Variants in ZNF626 observed in about 807,000 individuals in gnomAD.
ZNF626 encodes the protein CTC-513N18.7.
ZNF626 carries 4 observed loss-of-function variants against 11.7 expected under a neutral mutation model. That is an observed-to-expected ratio of 0.34 (90% CI 0.17 to 0.78). ZNF626 has a LOEUF of 0.78. Among genes scored for constraint, ZNF626 ranks in the 30% least tolerant of loss-of-function variants. The probability of loss-of-function intolerance (pLI) is 0.57; values close to 1 mark genes in which losing one functional copy is unlikely to be tolerated. For missense variants in ZNF626, 588 were observed against 587.1 expected (o/e 1.00, Z -0.01); for synonymous variants, 179 against 198.6 (o/e 0.90, Z 0.83).
rs1232002126 is a variant in ZNF626, at chr19:20,646,370, G to T, written c.39C>A (p.Phe13Leu). 2 of 1,613,970 alleles carry T rather than the reference G, an allele frequency of 1.2e-6. No individual in the cohort carries two copies. The highest frequency in any genetic ancestry group is 1.7e-6 in the Non-Finnish European group (2 of 1,180,014). Residue 13 changes from phenylalanine to leucine, a missense_variant, in exon 2 of 4, where the codon TTC becomes TTA. Phe to Leu is a conservative substitution (Grantham distance 22, BLOSUM62 0). Coordinates refer to ENST00000601440, the MANE Select transcript of ZNF626 (RefSeq NM_001076675.3). ...PLQFRDVAIEFSLEEWHCLDT... is the reference protein window; with the variant it reads ...PLQFRDVAIELSLEEWHCLDT... ...CCAGGCAATGCCACTCCTCCAGAGA[G>T]AATTCTATGGCCACATCTCTAAATT... is the stretch of plus-strand genomic sequence containing the variant.
At chr19:20,654,715 A>G (rs781883605) in intron 1 of ZNF626, among the ~76,000 whole-genome samples, 1 of 152,138 alleles carries the variant, frequency 6.6e-6, no homozygotes, top group Non-Finnish European at 1.5e-5. Flanking sequence ...AAAAAAATCC[A>G]TACTTCAGTT....
Position 20,636,199 on chromosome 19 carries a change from G to A in ZNF626, c.226+9485C>T, listed in dbSNP as rs537159938. ...CCATACCTACAAAACAAATATACAA[G>A]TGACACAAAGCTACAGGGATAATAT... On this transcript the variant is annotated intron_variant, in intron 3 of 3. Coordinates refer to ENST00000601440, the MANE Select transcript of ZNF626 (RefSeq NM_001076675.3). 2.0e-5 allele frequency among the ~76,000 whole-genome samples: 3 copies of A among 152,156 alleles called. No individual in the cohort carries two copies. In the South Asian group the frequency reaches 6.2e-4, roughly 32 times the overall value.
At chr19:20,635,750 T>C (rs1969959068) in intron 3 of ZNF626, among the ~76,000 whole-genome samples, 2 of 152,264 alleles carry the variant, frequency 1.3e-5, no homozygotes, top group South Asian at 4.1e-4. Flanking sequence ...CAAAAATGTT[T>C]CTCTGGCACA....
chr19:20,658,331 T>C (rs1970227645), intron 1 of ZNF626, among the ~76,000 whole-genome samples: 1 of 152,102 alleles, frequency 6.6e-6, no homozygotes, highest in African/African-American at 2.4e-5. Flanking sequence ...CCAGGAGACC[T>C]GTAGAGACTT....
At position 20,624,797 on chromosome 19, in the gene ZNF626, C is replaced by T. The variant is rs113486042; in HGVS notation, c.1080G>A (p.Lys360=). The T allele has an allele frequency of 6.2e-7, 1 of 1,613,580 alleles. No individual in the cohort carries two copies. The highest frequency in any genetic ancestry group is 8.5e-7 in the Non-Finnish European group (1 of 1,179,960). Residue 360 remains lysine (K), a synonymous_variant, in exon 4 of 4, where the codon AAG becomes AAA. Coordinates refer to ENST00000601440, the MANE Select transcript of ZNF626 (RefSeq NM_001076675.3). ...FKYSSTLTTH[K]RIHTGEKPYK... is the part of the protein sequence containing the mutation. ...AGGGTTTCTCTCCAGTATGAATTCT[C>T]TTATGTGTAGTAAGGGTAGAGGAGT...
intron 3 of ZNF626, among the ~76,000 whole-genome samples, chr19:20,633,101 A>T (rs1969925853): frequency 6.6e-6 from 1 of 152,024 alleles, no homozygotes; most frequent in Non-Finnish European, 1.5e-5. Flanking sequence ...AGAACAGCGG[A>T]TTTTGCTGAA....
At position 20,622,542 on chromosome 19, in the gene ZNF626, G is replaced by A. The variant is rs1016903957; in HGVS notation, c.*1748C>T. On this transcript the variant is annotated 3_prime_UTR_variant, in exon 4 of 4. Coordinates refer to ENST00000601440, the MANE Select transcript of ZNF626 (RefSeq NM_001076675.3). Reference sequence around the variant, plus strand: ...GCAACAATTGATCACATACTTTCACGTGAATATAATAAAGTAACAGCATAA... The same window carrying A: ...GCAACAATTGATCACATACTTTCACATGAATATAATAAAGTAACAGCATAA... The A allele has an allele frequency of 2.0e-5, 3 of 151,448 alleles. No homozygotes were observed. Among genetic ancestry groups the A allele is most frequent in the Non-Finnish European group, 4.4e-5 (3 of 67,896 alleles). The allele number at this position is 151,448 out of a possible 1,614,324, so 9.4% of individuals were successfully genotyped here.
intron 3 of ZNF626, among the ~76,000 whole-genome samples, chr19:20,628,188 A>G (rs1969862557): frequency 6.6e-6 from 1 of 152,172 alleles, no homozygotes; most frequent in African/African-American, 2.4e-5. Flanking sequence ...GTTGTTGGAC[A>G]TTTAGGTTGG....
intron 3 of ZNF626, chr19:20,645,139 C>A: frequency 1.3e-6 from 1 of 765,142 alleles, no homozygotes; most frequent in Non-Finnish European, 1.7e-6. Flanking sequence ...CTTTGAATAG[C>A]CAAAGCAATC....
intron 3 of ZNF626, among the ~76,000 whole-genome samples, chr19:20,627,694 T>C (rs1454320351): frequency 6.6e-6 from 1 of 152,172 alleles, no homozygotes; most frequent in African/African-American, 2.4e-5. Context: ...CAACTTGCCT[T>C]TCTACAGGAG....
Position 20,645,738 on chromosome 19 carries a change from G to C in ZNF626, c.172C>G (p.Gln58Glu), listed in dbSNP as rs1207617604. 7.4e-6 allele frequency: 12 copies of C among 1,611,348 alleles called. No individual in the cohort carries two copies. The highest frequency in any genetic ancestry group is 1.0e-5 in the Non-Finnish European group (12 of 1,179,396). ...SKPDLITCLE[Q>E]GRKPLTMKRN... ...TTCATGGTCAAAGGTTTTCTTCCTT[G>C]CTCCAGACAGGTGATCAGGTCTGGC... Residue 58 changes from glutamine (Q) to glutamate (E), a missense_variant, in exon 3 of 4, where the codon CAA (glutamine) becomes GAA (glutamate). Gln to Glu is a conservative substitution (Grantham distance 29). Coordinates refer to ENST00000601440, the MANE Select transcript of ZNF626 (RefSeq NM_001076675.3).
chr19:20,653,391 CAAGTAG>C (rs1465671974), intron 1 of ZNF626, among the ~76,000 whole-genome samples: 2 of 152,114 alleles, frequency 1.3e-5, no homozygotes, highest in Non-Finnish European at 2.9e-5. Flanking sequence ...AATTAGTTCA[CAAGTAG>C]AAGAATTTCC....
At chr19:20,653,043 C>A (rs1170403974) in intron 1 of ZNF626, among the ~76,000 whole-genome samples, 1 of 152,116 alleles carries the variant, frequency 6.6e-6, no homozygotes, top group Non-Finnish European at 1.5e-5. Context: ...CTAGAAGTGA[C>A]TGTAGAGGAC....
chr19:20,631,973 G>A (rs539558489), intron 3 of ZNF626, among the ~76,000 whole-genome samples: 1 of 151,924 alleles, frequency 6.6e-6, no homozygotes, highest in East Asian at 1.9e-4. Flanking sequence ...AGCTCCTTTA[G>A]GGCAGACTTG....
intron 3 of ZNF626, chr19:20,644,597 A>G (rs1323680744): frequency 1.3e-5 from 2 of 150,896 alleles, no homozygotes; most frequent in Middle Eastern, 3.4e-3. Flanking sequence ...TCAAACACCA[A>G]TACAAAACTA....
rs192930112 is a variant in ZNF626, at chr19:20,624,150, G to C, written c.*140C>G. The C allele has an allele frequency of 1.9e-5, 26 of 1,359,920 alleles. No homozygotes were observed. The African/African-American group carries it at 3.6e-4, about 19-fold the overall frequency. The allele number at this position is 1,359,920 out of a possible 1,614,324, so 84.2% of individuals were successfully genotyped here. On this transcript the variant is annotated 3_prime_UTR_variant, in exon 4 of 4. Coordinates refer to ENST00000601440, the MANE Select transcript of ZNF626 (RefSeq NM_001076675.3). ...TCTTATGTGTAGTAAGTTTAGAGGA[G>C]TGCTTAAAGGCTTTGCCACATTCTT...
intron 3 of ZNF626, among the ~76,000 whole-genome samples, chr19:20,628,343 AG>A (rs1555770024): frequency 6.6e-6 from 1 of 152,154 alleles, no homozygotes; most frequent in Non-Finnish European, 1.5e-5. Context: ...TAGATCCCTG[AG>A]GAATCACCAC....
Position 20,634,580 on chromosome 19 carries a change from C to T in ZNF626, c.227-8930G>A, listed in dbSNP as rs149210016. Among the ~76,000 whole-genome samples, 88 of 151,290 alleles carry T rather than the reference C, an allele frequency of 5.8e-4. 1 individual carries two copies. The East Asian group carries it at 0.011, about 19-fold the overall frequency. ...ACTTGTTGAAATAACTGGCTGGGTGCGGTGGCTCAGGCCTGTAATCCCAGC... is the reference window on the plus strand; with the variant it reads ...ACTTGTTGAAATAACTGGCTGGGTGTGGTGGCTCAGGCCTGTAATCCCAGC... On this transcript the variant is annotated intron_variant, in intron 3 of 3. Coordinates refer to ENST00000601440, the MANE Select transcript of ZNF626 (RefSeq NM_001076675.3).
Position 20,627,417 on chromosome 19 carries a change from T to A in ZNF626, c.227-1767A>T, listed in dbSNP as rs564353821. 3.8e-3 allele frequency among the ~76,000 whole-genome samples: 576 copies of A among 151,980 alleles called. 6 individuals carry two copies. Among genetic ancestry groups the A allele is most frequent in the African/African-American group, 0.014 (570 of 41,486 alleles). On this transcript the variant is annotated intron_variant, in intron 3 of 3. Coordinates refer to ENST00000601440, the MANE Select transcript of ZNF626 (RefSeq NM_001076675.3). ...AGAGGTTTTATGTAATCTCCCAAAG[T>A]ACCACTAAGAAAATATTTGTATGGA...
Sources: gnomAD v4.1 joint callset for allele counts (sites outside exome capture counted in the v4.1 genomes callset) on GRCh38, gnomAD v4.1.1 for gene constraint, MANE v1.5 for transcripts, NCBI Gene and HGNC (gene_info 2026-07-23, HGNC 2026-07-21) for gene names.